The following INTS6 variants were observed in gnomAD, a reference collection of about 807,000 sequenced individuals.
INTS6 encodes the protein DEAD box protein.
In INTS6, 16 loss-of-function variants were observed where a neutral mutation model predicts 104.9. The ratio of observed to expected loss-of-function variants is 0.15; its 90% CI spans 0.10 to 0.23. The LOEUF (loss-of-function observed/expected upper bound fraction) is 0.23, where lower values mean the gene tolerates loss of function less well. Among genes scored for constraint, INTS6 ranks in the 10% least tolerant of loss-of-function variants. INTS6 has a pLI of 1.00. For synonymous variants in INTS6, 324 were observed against 358.7 expected (o/e 0.90, Z 1.09); for missense variants, 584 against 1,062.8 (o/e 0.55, Z 6.26).
intron 4 of INTS6, among the ~76,000 whole-genome samples, chr13:51,396,505 C>A (rs1956341010): frequency 6.6e-6 from 1 of 152,118 alleles, no homozygotes; most frequent in Admixed American, 6.6e-5. Context: ...AGTGTACAAA[C>A]AGAATCCACA....
intron 4 of INTS6, chr13:51,421,164 G>T (rs115450369): frequency 1.0e-6 from 1 of 985,654 alleles, no homozygotes; most frequent in Admixed American, 6.2e-5. Flanking sequence ...GACTTTTGAG[G>T]AAGGCTAGCC....
intron 3 of INTS6, among the ~76,000 whole-genome samples, chr13:51,432,455 TAA>T (rs74263286): frequency 7.0e-6 from 1 of 142,044 alleles, no homozygotes; most frequent in Non-Finnish European, 1.6e-5. Context: ...CACAATTTAT[TAA>T]AAAAAAAAAA....
intron 3 of INTS6, chr13:51,448,639 T>C (rs562887396): frequency 2.6e-5 from 4 of 152,202 alleles, no homozygotes; most frequent in East Asian, 1.9e-4. Flanking sequence ...TGTGCATATA[T>C]GTGGGAGAAT....
rs1955671241 is a variant in INTS6 at position 51,365,715 on chromosome 13, G to A, written c.*37C>T. On this transcript the variant is annotated 3_prime_UTR_variant, in exon 18 of 18. Transcript: ENST00000311234. ...GTCTTGTATTTACTTTGTATTTGAA[G>A]AAGATAGTGAAATAAGTGGCCACAT... 8.8e-7 allele frequency: 1 copy of A among 1,130,212 alleles called. No individual in the cohort carries two copies. Among genetic ancestry groups the A allele is most frequent in the African/African-American group, 1.6e-5 (1 of 64,426 alleles). 70.0% of individuals were successfully genotyped at this position (1,130,212 alleles called of 1,614,324 possible).
intron 4 of INTS6, among the ~76,000 whole-genome samples, chr13:51,399,913 A>G (rs992439400): frequency 2.6e-5 from 4 of 152,160 alleles, no homozygotes; most frequent in African/African-American, 9.7e-5. Context: ...TTGTTAATCT[A>G]TTCCAGATGT....
chr13:51,345,243 G>A, the INTS6 span, among the ~76,000 whole-genome samples: 6 of 152,256 alleles, frequency 3.9e-5, no homozygotes, highest in South Asian at 1.2e-3. Flanking sequence ...CCACAGGCCA[G>A]GATTCTAACC....
chr13:51,376,211 A>G, intron 12 of INTS6, 37 bp from the exon 13 acceptor site: 5 of 1,557,842 alleles, frequency 3.2e-6, no homozygotes, highest in Non-Finnish European at 4.4e-6. Flanking sequence ...TTTATTGTCA[A>G]ACATAGAATT....
intron 4 of INTS6, among the ~76,000 whole-genome samples, chr13:51,410,628 T>A (rs1222567658): frequency 1.3e-5 from 2 of 151,982 alleles, no homozygotes; most frequent in East Asian, 3.9e-4. Flanking sequence ...CAGGAGAAAA[T>A]CCTTAGTATC....
In INTS6 at chr13:51,376,041, T is replaced by A. The variant is rs767763889; in HGVS notation, c.1729+7A>T. On this transcript the variant is annotated splice_region_variant and intron_variant, in intron 13 of 17. Transcript: ENST00000311234. ...TAAAAATACCAGTATTGAAACTATG[T>A]TCTAACCTTCGTCCTGTCCTTTCAG... 1.2e-6 allele frequency: 2 copies of A among 1,601,504 alleles called. No individual in the cohort carries two copies. The highest frequency in any genetic ancestry group is 4.5e-5 in the East Asian group (2 of 44,684).
the INTS6 span, chr13:51,344,125 G>A: frequency 1.4e-6 from 1 of 700,758 alleles, no homozygotes; most frequent in Non-Finnish European, 2.5e-6. Flanking sequence ...GCTTTGTATG[G>A]TAGATGAACC....
chr13:51,410,424 A>G (rs1956663122), intron 4 of INTS6, among the ~76,000 whole-genome samples: 1 of 152,246 alleles, frequency 6.6e-6, no homozygotes, highest in South Asian at 2.1e-4. Context: ...ACACAAAAAC[A>G]TGGCTAATTG....
At chr13:51,420,619 CTATGTTTTTTTAAAAAAGGT>C (rs1224674295) in intron 4 of INTS6, among the ~76,000 whole-genome samples, 2 of 151,952 alleles carry the variant, frequency 1.3e-5, no homozygotes, top group African/African-American at 4.8e-5. Flanking sequence ...TCAAAGGTAG[CTATGTTTTTTTAAAAAAGGT>C]TATTATAACA....
At chr13:51,392,548 C>T (rs1346692876) in intron 5 of INTS6, among the ~76,000 whole-genome samples, 4 of 152,228 alleles carry the variant, frequency 2.6e-5, no homozygotes, top group Non-Finnish European at 5.9e-5. Flanking sequence ...ATATAGAGAG[C>T]ATGTCCCTTT....
At chr13:51,438,406 T>C (rs1477049993) in intron 3 of INTS6, 1 of 151,908 alleles carries the variant, frequency 6.6e-6, no homozygotes. Flanking sequence ...AAACCAATAG[T>C]TTTACCTTAG....
chr13:51,365,720 T>G lies in INTS6; in HGVS notation c.*32A>C, dbSNP rs377099005. 1.7e-6 allele frequency: 2 copies of G among 1,171,138 alleles called. No individual in the cohort carries two copies. The highest frequency in any genetic ancestry group is 2.5e-6 in the Non-Finnish European group (2 of 804,088). 72.5% of individuals were successfully genotyped at this position (1,171,138 alleles called of 1,614,324 possible). Reference sequence around the variant, plus strand: ...GTATTTACTTTGTATTTGAAGAAGATAGTGAAATAAGTGGCCACATTCTAT... The same window carrying G: ...GTATTTACTTTGTATTTGAAGAAGAGAGTGAAATAAGTGGCCACATTCTAT... On this transcript the variant is annotated 3_prime_UTR_variant, in exon 18 of 18. Transcript: ENST00000311234.
At chr13:51,341,973 T>C in the INTS6 span, among the ~76,000 whole-genome samples, 1 of 152,174 alleles carries the variant, frequency 6.6e-6, no homozygotes, top group Non-Finnish European at 1.5e-5. Flanking sequence ...AGCTTATTTC[T>C]ATGGATTATG....
chr13:51,357,109 G>GAC (rs1211998059), downstream of INTS6, among the ~76,000 whole-genome samples: 7 of 152,156 alleles, frequency 4.6e-5, no homozygotes. Flanking sequence ...AGTTGAGACA[G>GAC]ACACCATATG....
rs1200593763 is a variant in INTS6 at position 51,362,916 on chromosome 13, A to C, written c.*2836T>G. On this transcript the variant is annotated 3_prime_UTR_variant, in exon 18 of 18. Transcript: ENST00000311234. ...GAGAGAAAAAGTCCATCAACAGAGT[A>C]TGTCTTCCTAGTATTTCACCATGAT... is the stretch of plus-strand genomic sequence containing the variant. The C allele has an allele frequency of 6.6e-6, 1 of 152,274 alleles. No individual in the cohort carries two copies. Among genetic ancestry groups the C allele is most frequent in the African/African-American group, 2.4e-5 (1 of 41,434 alleles). The allele number at this position is 152,274 out of a possible 1,614,324, so 9.4% of individuals were successfully genotyped here. A position where few individuals can be genotyped will look rare whatever the true frequency, so the allele number is the denominator to read the frequency against.
intron 4 of INTS6, 120 bp downstream of exon 4, chr13:51,430,174 T>A (rs1957065703): frequency 1.3e-6 from 1 of 758,514 alleles, no homozygotes; most frequent in African/African-American, 1.8e-5. Flanking sequence ...AGGAGACAGA[T>A]GACTCTAAAT....
Sources: allele counts gnomAD v4.1 joint callset (sites outside exome capture counted in the v4.1 genomes callset), GRCh38; gene constraint gnomAD v4.1.1; transcripts MANE v1.5; gene names NCBI Gene and HGNC (gene_info 2026-07-23, HGNC 2026-07-21).